Variants in ADGRB3 observed in about 807,000 individuals in gnomAD.
ADGRB3 encodes the protein brain-specific angiogenesis inhibitor 3.
Under a neutral mutation model 193.4 loss-of-function variants are expected in ADGRB3, and 37 were observed. The observed-to-expected ratio is 0.19, with a 90% CI of 0.15 to 0.25. The LOEUF (loss-of-function observed/expected upper bound fraction) is 0.25. ADGRB3 is among the 10% of genes least tolerant of loss of function. The pLI, the probability that ADGRB3 is intolerant of heterozygous loss-of-function variation, is 1.00. For synonymous variants in ADGRB3, 690 were observed against 644.2 expected (o/e 1.07, Z -1.08); for missense variants, 1,637 against 1,852.9 (o/e 0.88, Z 2.14).
At chr6:68,838,608 G>C (rs1251136323) in intron 3 of ADGRB3, among the ~76,000 whole-genome samples, 1 of 152,140 alleles carries the variant, frequency 6.6e-6, no homozygotes, top group East Asian at 1.9e-4. Context: ...AATTGTTGTA[G>C]CAAAGTCAAA....
At chr6:68,886,350 C>A (rs564437733) in intron 3 of ADGRB3, among the ~76,000 whole-genome samples, 5 of 152,048 alleles carry the variant, frequency 3.3e-5, no homozygotes. Flanking sequence ...TAATGTAATT[C>A]TTCATATGTC....
intron 24 of ADGRB3, 57 bp from the exon 25 acceptor site, chr6:69,338,859 T>C (rs541543856): frequency 6.0e-6 from 9 of 1,505,992 alleles, no homozygotes; most frequent in Non-Finnish European, 8.2e-6. Flanking sequence ...GCAGCAATTT[T>C]TTTTTGGTGA....
chr6:69,061,934 G>A (rs1413762456), intron 15 of ADGRB3, among the ~76,000 whole-genome samples: 2 of 151,774 alleles, frequency 1.3e-5, no homozygotes, highest in Non-Finnish European at 1.5e-5. Context: ...ATTAAACTAT[G>A]TACTTAAAAT....
chr6:69,130,626 T>C (rs1773984100), intron 17 of ADGRB3, among the ~76,000 whole-genome samples: 1 of 151,486 alleles, frequency 6.6e-6, no homozygotes, highest in African/African-American at 2.4e-5. Context: ...TATTTTGGAT[T>C]AAAGCTTTTT....
intron 3 of ADGRB3, among the ~76,000 whole-genome samples, chr6:68,734,627 G>A (rs1477027045): frequency 6.6e-6 from 1 of 151,980 alleles, no homozygotes; most frequent in East Asian, 1.9e-4. Flanking sequence ...AACACTGGGA[G>A]GATGGTAATG....
At chr6:68,829,052 C>T (rs1767901900) in intron 3 of ADGRB3, among the ~76,000 whole-genome samples, 1 of 145,354 alleles carries the variant, frequency 6.9e-6, no homozygotes, top group African/African-American at 2.5e-5. Flanking sequence ...TCAGAGAAAA[C>T]AAATCAGGTT....
intron 31 of ADGRB3, among the ~76,000 whole-genome samples, chr6:69,388,468 C>G (rs1282650263): frequency 1.3e-5 from 2 of 152,084 alleles, no homozygotes; most frequent in Non-Finnish European, 2.9e-5. Context: ...TACTACTGTT[C>G]ACTTCCTTTG....
At chr6:69,201,683 A>G (rs924165181) in intron 17 of ADGRB3, among the ~76,000 whole-genome samples, 19 of 152,172 alleles carry the variant, frequency 1.2e-4, no homozygotes, top group African/African-American at 4.6e-4. Flanking sequence ...CTGTTCCAGG[A>G]TTATAACCAC....
At chr6:69,057,562 G>T (rs999701980) in intron 15 of ADGRB3, among the ~76,000 whole-genome samples, 1 of 151,944 alleles carries the variant, frequency 6.6e-6, no homozygotes, top group African/African-American at 2.4e-5. Flanking sequence ...GATATTAGAT[G>T]TGGGTTTTGC....
chr6:68,654,653 A>G (rs1333019604), intron 3 of ADGRB3, among the ~76,000 whole-genome samples: 2 of 151,956 alleles, frequency 1.3e-5, no homozygotes, highest in African/African-American at 4.8e-5. Flanking sequence ...CAGTCTATGC[A>G]TATATTATTT....
chr6:69,372,380 C>A, intron 29 of ADGRB3, 26 bp from the exon 30 acceptor site: 2 of 1,281,606 alleles, frequency 1.6e-6, no homozygotes, highest in South Asian at 1.5e-5. Context: ...GGTTTTTCTC[C>A]TTCTTTTTAA....
chr6:68,721,522 T>C (rs1765578228), intron 3 of ADGRB3, among the ~76,000 whole-genome samples: 1 of 151,424 alleles, frequency 6.6e-6, no homozygotes, highest in South Asian at 2.1e-4. Context: ...ATATACCTAA[T>C]GTAAATGACG....
chr6:69,221,096 G>A (rs764723111), intron 17 of ADGRB3, among the ~76,000 whole-genome samples: 1 of 151,650 alleles, frequency 6.6e-6, no homozygotes, highest in African/African-American at 2.4e-5. Context: ...GCACAAAAGA[G>A]GGACTAAAAC....
chr6:69,210,171 A>ATATATATATATATAT (rs1561953604), intron 17 of ADGRB3, among the ~76,000 whole-genome samples: 3 of 39,382 alleles, frequency 7.6e-5, no homozygotes, highest in African/African-American at 5.4e-4. Flanking sequence ...TATATATATA[A>ATATATATATATATAT]AGGGGAGTTT....
intron 20 of ADGRB3, among the ~76,000 whole-genome samples, chr6:69,246,635 C>T (rs1383547480): frequency 6.6e-6 from 1 of 152,114 alleles, no homozygotes; most frequent in African/African-American, 2.4e-5. Context: ...AGCCAGAGAC[C>T]ACATTATTGT....
intron 3 of ADGRB3, among the ~76,000 whole-genome samples, chr6:68,899,020 A>T (rs953804936): frequency 6.6e-6 from 1 of 152,122 alleles, no homozygotes; most frequent in African/African-American, 2.4e-5. Flanking sequence ...AAATCTAAAA[A>T]CAGTATGGGC....
intron 17 of ADGRB3, among the ~76,000 whole-genome samples, chr6:69,213,306 A>G (rs554097160): frequency 6.6e-5 from 10 of 152,288 alleles, no homozygotes; most frequent in African/African-American, 2.4e-4. Flanking sequence ...AGGGTAACCT[A>G]CCTATTTCCC....
intron 17 of ADGRB3, among the ~76,000 whole-genome samples, chr6:69,171,937 T>C (rs1482555192): frequency 6.6e-6 from 1 of 152,192 alleles, no homozygotes; most frequent in Non-Finnish European, 1.5e-5. Flanking sequence ...CAGTAAGGTA[T>C]GGCCATGTGA....
chr6:69,236,805 G>A (rs937336831), intron 19 of ADGRB3, among the ~76,000 whole-genome samples: 1 of 152,072 alleles, frequency 6.6e-6, no homozygotes, highest in East Asian at 1.9e-4. Context: ...TTTCTTTAAT[G>A]CAGAAAGTTC....
Sources: gnomAD v4.1 joint callset for allele counts (sites outside exome capture counted in the v4.1 genomes callset) on GRCh38, gnomAD v4.1.1 for gene constraint, MANE v1.5 for transcripts, NCBI Gene and HGNC (gene_info 2026-07-23, HGNC 2026-07-21) for gene names.